ARHGEF3: variants seen among roughly 807,000 people sequenced by gnomAD.
ARHGEF3 encodes the protein 59.8 kDA protein.
Under a neutral mutation model 63.2 loss-of-function variants are expected in ARHGEF3, and 28 were observed. The observed-to-expected ratio is 0.44, with a 90% CI of 0.33 to 0.61. The LOEUF (loss-of-function observed/expected upper bound fraction) is 0.61. ARHGEF3 is among the 20% of genes least tolerant of loss of function. The pLI, the probability that ARHGEF3 is intolerant of heterozygous loss-of-function variation, is 0.03. For missense variants in ARHGEF3, 533 were observed against 659.3 expected (o/e 0.81, Z 2.10); for synonymous variants, 266 against 254.2 (o/e 1.05, Z -0.44).
At position 56,895,591 on chromosome 3, in the gene ARHGEF3, G is replaced by A. The variant is rs373829664; in HGVS notation, c.130-13237C>T. 8.8e-4 allele frequency among the ~76,000 whole-genome samples: 134 copies of A among 152,116 alleles called. 3 individuals are homozygous for A. In the South Asian group the frequency reaches 0.025, roughly 29 times the overall value. On this transcript the variant is annotated intron_variant, in intron 3 of 12. Transcript: ENST00000338458. Reference sequence around the variant, plus strand: ...CCATTCTCCTGGCTCAGCCTCCCGAGCAGGTGGGACTACAGGAGCCTGCCA... The same window carrying A: ...CCATTCTCCTGGCTCAGCCTCCCGAACAGGTGGGACTACAGGAGCCTGCCA...
intron 3 of ARHGEF3, among the ~76,000 whole-genome samples, chr3:56,890,800 T>C (rs9837313): frequency 9.5e-4 from 145 of 152,350 alleles, no homozygotes; most frequent in African/African-American, 3.3e-3. Context: ...GGCTTTTCTA[T>C]TTAATAACCA....
At chr3:57,002,731 T>C (rs191874222) in intron 2 of ARHGEF3, among the ~76,000 whole-genome samples, 179 of 149,228 alleles carry the variant, frequency 1.2e-3, no homozygotes, top group African/African-American at 3.9e-3. Flanking sequence ...TAGCACTTCA[T>C]ATATTATTTC....
intron 6 of ARHGEF3, among the ~76,000 whole-genome samples, chr3:56,748,976 G>C (rs2034571923): frequency 6.8e-6 from 1 of 147,514 alleles, no homozygotes; most frequent in Non-Finnish European, 1.5e-5. Context: ...GGGTCGAATG[G>C]GACTCTTCTC....
At chr3:56,908,208 C>T (rs538409394) in intron 3 of ARHGEF3, among the ~76,000 whole-genome samples, 1 of 152,284 alleles carries the variant, frequency 6.6e-6, no homozygotes, top group South Asian at 2.1e-4. Flanking sequence ...TGACCCCGAG[C>T]GGGGACTGAT....
rs987468947 is a variant in ARHGEF3 at position 56,759,490 on chromosome 3, T to C, written c.205-4339A>G. Among the ~76,000 whole-genome samples, 3 of 152,056 alleles carry C rather than the reference T, an allele frequency of 2.0e-5. No individual in the cohort carries two copies. In the East Asian group the frequency reaches 5.8e-4, roughly 30 times the overall value. The stretch of plus-strand genomic sequence containing the variant: ...GGCCGAGAATGTTTTCTCTTTCTAC[T>C]TGACAGTATCTTGAGGTGAAATTTA... On this transcript the variant is annotated intron_variant, in intron 2 of 9. Transcript: ENST00000296315.
intron 8 of ARHGEF3, 126 bp downstream of exon 8, chr3:56,737,059 G>C: frequency 9.0e-7 from 1 of 1,108,544 alleles, no homozygotes; most frequent in Non-Finnish European, 1.2e-6. Context: ...GGGTGACAAA[G>C]CGAGACTCCA....
chr3:57,077,119 T>C (rs943048944), intron 1 of ARHGEF3, among the ~76,000 whole-genome samples: 1 of 152,198 alleles, frequency 6.6e-6, no homozygotes, highest in African/African-American at 2.4e-5. Flanking sequence ...AGAAGTCTTC[T>C]GAAAACTTGA....
intron 2 of ARHGEF3, among the ~76,000 whole-genome samples, chr3:57,024,352 T>C (rs1579112967): frequency 6.6e-6 from 1 of 150,576 alleles, no homozygotes; most frequent in South Asian, 2.1e-4. Flanking sequence ...TTAGCCACCA[T>C]ACCTGGAAGG....
intron 2 of ARHGEF3, among the ~76,000 whole-genome samples, chr3:56,755,962 A>C (rs1056984317): frequency 6.6e-6 from 1 of 152,236 alleles, no homozygotes; most frequent in Non-Finnish European, 1.5e-5. Flanking sequence ...TTTTCATTAC[A>C]TATAGAAAGA....
At chr3:56,851,296 C>T (rs749452512) in intron 4 of ARHGEF3, among the ~76,000 whole-genome samples, 4 of 152,146 alleles carry the variant, frequency 2.6e-5, no homozygotes, top group Non-Finnish European at 4.4e-5. Flanking sequence ...CTCTCCTGCC[C>T]TCCTTCAATA....
chr3:56,965,347 A>T (rs35999082), intron 2 of ARHGEF3, among the ~76,000 whole-genome samples: 31,422 of 152,128 alleles, frequency 0.21, 3,539 homozygotes, highest in Middle Eastern at 0.37. Context: ...ATCCCTAGGA[A>T]AATATAACTT....
chr3:57,062,791 A>G (rs912132882), intron 1 of ARHGEF3, among the ~76,000 whole-genome samples: 2 of 152,228 alleles, frequency 1.3e-5, no homozygotes, highest in Admixed American at 6.5e-5. Flanking sequence ...GGCAAGAATT[A>G]TATCATAATA....
intron 1 of ARHGEF3, among the ~76,000 whole-genome samples, chr3:57,037,251 C>T (rs1704000504): frequency 6.6e-6 from 1 of 152,188 alleles, no homozygotes; most frequent in African/African-American, 2.4e-5. Context: ...GTTGCCACTG[C>T]ATCCACAAAG....
At chr3:56,862,149 G>A (rs574913204) in intron 4 of ARHGEF3, among the ~76,000 whole-genome samples, 1 of 140,928 alleles carries the variant, frequency 7.1e-6, no homozygotes, top group East Asian at 2.5e-4. Flanking sequence ...GGAATGGTAT[G>A]GAGGTAAAGG....
intron 2 of ARHGEF3, among the ~76,000 whole-genome samples, chr3:57,003,555 T>C (rs1702348259): frequency 6.6e-6 from 1 of 152,020 alleles, no homozygotes; most frequent in Admixed American, 6.6e-5. Flanking sequence ...GGCTGAATAA[T>C]GGCCCCCAAA....
intron 4 of ARHGEF3, among the ~76,000 whole-genome samples, chr3:56,845,945 ACT>A (rs1257059379): frequency 1.3e-5 from 2 of 152,198 alleles, no homozygotes; most frequent in African/African-American, 4.8e-5. Flanking sequence ...CATAGTGTTT[ACT>A]CTGTAGCAGC....
At chr3:56,865,955 C>T (rs2040236351) in intron 4 of ARHGEF3, among the ~76,000 whole-genome samples, 1 of 151,806 alleles carries the variant, frequency 6.6e-6, no homozygotes. Context: ...CCTCTGTTAG[C>T]CGTAGGTGAA....
intron 3 of ARHGEF3, among the ~76,000 whole-genome samples, chr3:56,887,842 C>T (rs775272397): frequency 6.6e-6 from 1 of 152,210 alleles, no homozygotes; most frequent in Non-Finnish European, 1.5e-5. Context: ...TAACTTTAAC[C>T]CCTCAGTGCC....
At chr3:56,840,765 T>C (rs1419447089) in intron 4 of ARHGEF3, among the ~76,000 whole-genome samples, 1 of 152,196 alleles carries the variant, frequency 6.6e-6, no homozygotes, top group Admixed American at 6.5e-5. Flanking sequence ...GCTAACATAT[T>C]ATAACATTAA....
Sources: allele counts gnomAD v4.1 joint callset (sites outside exome capture counted in the v4.1 genomes callset), GRCh38; gene constraint gnomAD v4.1.1; transcripts MANE v1.5; gene names NCBI Gene and HGNC (gene_info 2026-07-23, HGNC 2026-07-21).